PARD3B: variants seen among roughly 807,000 people sequenced by gnomAD.
PARD3B encodes par-3 family cell polarity regulator beta.
PARD3B carries 103 observed loss-of-function variants against 130.2 expected under a neutral mutation model. The observed-to-expected ratio is 0.79, with a 90% CI of 0.67 to 0.93. The LOEUF is 0.93. Among genes scored for constraint, PARD3B ranks in the 40% least tolerant of loss-of-function variants. The probability of loss-of-function intolerance (pLI) is 0.00; values close to 1 mark genes in which losing one functional copy is unlikely to be tolerated. For missense variants in PARD3B, 1,609 were observed against 1,499.2 expected (o/e 1.07, Z -1.21); for synonymous variants, 583 against 553.2 (o/e 1.05, Z -0.76).
At chr2:205,514,692 CAT>C in intron 21 of PARD3B, among the ~76,000 whole-genome samples, 1 of 152,050 alleles carries the variant, frequency 6.6e-6, no homozygotes, top group African/African-American at 2.4e-5. Flanking sequence ...CTTAAATAAA[CAT>C]ATTGCAAGAA....
intron 21 of PARD3B, among the ~76,000 whole-genome samples, chr2:205,520,228 G>A (rs1035503691): frequency 1.3e-5 from 2 of 152,214 alleles, no homozygotes; most frequent in South Asian, 2.1e-4. Context: ...ATCAGCCCAG[G>A]ATGGGGAGGG....
At chr2:205,246,287 A>G (rs989059130) in intron 16 of PARD3B, among the ~76,000 whole-genome samples, 1 of 148,512 alleles carries the variant, frequency 6.7e-6, no homozygotes, top group South Asian at 2.1e-4. Context: ...CCAGGGATGT[A>G]TGCATTATTT....
rs888120392 is a variant in PARD3B, at chr2:205,470,669, C to T, written c.3045-29227C>T. Among the ~76,000 whole-genome samples the T allele has an allele frequency of 6.6e-6, 1 of 152,168 alleles. No homozygotes were observed. The highest frequency in any genetic ancestry group is 1.5e-5 in the Non-Finnish European group (1 of 68,032). On this transcript the variant is annotated intron_variant, in intron 20 of 22. Transcript: ENST00000406610. The surrounding 1 kb of genome is among the most constrained non-coding windows in gnomAD (Gnocchi z 4.8). ...CAACCCTGTCTCCCACTTAGATCCT[C>T]TGGCTTAGAAACTACTGAAGATCTG...
intron 19 of PARD3B, among the ~76,000 whole-genome samples, chr2:205,414,999 T>A (rs1402753835): frequency 6.6e-6 from 1 of 152,156 alleles, no homozygotes; most frequent in African/African-American, 2.4e-5. Flanking sequence ...GTTTTTAATC[T>A]GGTTATAGTG....
intron 1 of PARD3B, among the ~76,000 whole-genome samples, chr2:204,640,560 G>C (rs1054783676): frequency 2.6e-5 from 4 of 151,508 alleles, no homozygotes; most frequent in African/African-American, 9.8e-5. Context: ...CAAGGGCAGA[G>C]GGAGTGCTAA....
intron 20 of PARD3B, among the ~76,000 whole-genome samples, chr2:205,441,620 C>T (rs992009682): frequency 1.3e-5 from 2 of 152,158 alleles, no homozygotes; most frequent in African/African-American, 4.8e-5. Flanking sequence ...CTATTAGTAA[C>T]CAGCCTTTGT....
intron 22 of PARD3B, among the ~76,000 whole-genome samples, chr2:205,598,094 A>G (rs577582936): frequency 2.2e-4 from 34 of 152,264 alleles, no homozygotes; most frequent in Non-Finnish European, 4.3e-4. Flanking sequence ...CAATGACAAG[A>G]TCAAATCCTC....
chr2:205,063,275 A>C (rs887771576), intron 4 of PARD3B, among the ~76,000 whole-genome samples: 22 of 152,048 alleles, frequency 1.4e-4, no homozygotes, highest in Non-Finnish European at 2.5e-4. Flanking sequence ...AATGTATCAA[A>C]GTATCACATG....
chr2:205,598,265 C>A (rs1057455242), intron 22 of PARD3B, among the ~76,000 whole-genome samples: 1 of 151,640 alleles, frequency 6.6e-6, no homozygotes, highest in East Asian at 1.9e-4. Context: ...AAAGGAATGG[C>A]GAAAGATGTA....
chr2:205,325,526 T>TTATTAGTAG lies in PARD3B; in HGVS notation c.2630+23827_2630+23828insTTAGTAGTA, dbSNP rs1553674416. On this transcript the variant is annotated intron_variant, in intron 18 of 22. Transcript: ENST00000406610. The surrounding 1 kb of genome is among the most constrained non-coding windows in gnomAD (Gnocchi z 4.1). ...TTTACTAATATCATCTCATTGTTTA[T>TTATTAGTAG]TAGTAGTAGTAGTAGTAGTAGTCTC... Among the ~76,000 whole-genome samples the TTATTAGTAG allele has an allele frequency of 4.0e-5, 6 of 150,522 alleles. No individual in the cohort carries two copies. The highest frequency in any genetic ancestry group is 1.5e-4 in the African/African-American group (6 of 40,888).
At chr2:205,009,535 G>A (rs898789309) in intron 3 of PARD3B, among the ~76,000 whole-genome samples, 3 of 152,068 alleles carry the variant, frequency 2.0e-5, no homozygotes, top group Non-Finnish European at 4.4e-5. Context: ...GCCGGGCATG[G>A]TGGCGGGCGC....
At chr2:205,388,997 T>C (rs896357928) in intron 18 of PARD3B, among the ~76,000 whole-genome samples, 2 of 152,226 alleles carry the variant, frequency 1.3e-5, no homozygotes, top group Non-Finnish European at 2.9e-5. Context: ...GGGGTGGTTC[T>C]AAACTTTTAA....
chr2:205,539,456 C>T (rs1424540843), intron 21 of PARD3B, among the ~76,000 whole-genome samples: 1 of 152,068 alleles, frequency 6.6e-6, no homozygotes, highest in Non-Finnish European at 1.5e-5. Context: ...AGGTATCATC[C>T]TCTAGAGCAG....
chr2:205,559,548 A>G (rs149820169), intron 22 of PARD3B, among the ~76,000 whole-genome samples: 13 of 146,914 alleles, frequency 8.8e-5, no homozygotes, highest in African/African-American at 3.3e-4. Context: ...ATAAGAAATG[A>G]TTTTTCATGA....
chr2:205,380,168 A>ATTATATAAAGAATATATG (rs2045267357), intron 18 of PARD3B, among the ~76,000 whole-genome samples: 1 of 88,304 alleles, frequency 1.1e-5, no homozygotes, highest in Non-Finnish European at 2.1e-5. Context: ...AAGAATATAT[A>ATTATATAAAGAATATATG]TTATATAATA....
At chr2:204,568,214 C>A (rs1219003444) in intron 1 of PARD3B, among the ~76,000 whole-genome samples, 1 of 152,168 alleles carries the variant, frequency 6.6e-6, no homozygotes, top group African/African-American at 2.4e-5. Flanking sequence ...GAAACATGGT[C>A]TCAGCTTCTC....
intron 18 of PARD3B, among the ~76,000 whole-genome samples, chr2:205,396,532 C>T (rs2046036579): frequency 6.6e-6 from 1 of 152,136 alleles, no homozygotes; most frequent in African/African-American, 2.4e-5. Context: ...AATTCATGAA[C>T]ATCTAAATTT....
chr2:204,843,999 G>A (rs759592985), intron 2 of PARD3B, among the ~76,000 whole-genome samples: 1 of 152,090 alleles, frequency 6.6e-6, no homozygotes, highest in Non-Finnish European at 1.5e-5. Flanking sequence ...GCACAAAGCT[G>A]ATGAAAGCCG....
chr2:205,607,785 T>C (rs1008504197), intron 22 of PARD3B, among the ~76,000 whole-genome samples: 16 of 151,506 alleles, frequency 1.1e-4, no homozygotes, highest in African/African-American at 3.9e-4. Context: ...GATTCTCCTG[T>C]GTCTTAATGA....
Sources: allele counts gnomAD v4.1 joint callset (sites outside exome capture counted in the v4.1 genomes callset), GRCh38; gene constraint gnomAD v4.1.1; non-coding constraint Gnocchi (gnomAD v3.1); transcripts MANE v1.5; gene names NCBI Gene and HGNC (gene_info 2026-07-23, HGNC 2026-07-21).